ATR: variants seen among roughly 807,000 people sequenced by gnomAD.
ATR encodes the protein serine/threonine-protein kinase ATR.
ATR carries 142 observed loss-of-function variants against 305.3 expected under a neutral mutation model. The observed-to-expected ratio is 0.47, with a 90% confidence interval of 0.41 to 0.53. The LOEUF (loss-of-function observed/expected upper bound fraction) is 0.53, where lower values mean the gene tolerates loss of function less well. Ranked by LOEUF, ATR falls within the 20% of genes least tolerant of loss-of-function variation. ATR has a pLI of 0.00. For missense variants in ATR, 2,135 were observed against 3,133.1 expected, an observed-to-expected ratio of 0.68 and a Z score of 7.60; for synonymous variants, 1,050 against 1,068.1, an observed-to-expected ratio of 0.98 and a Z score of 0.33.
chr3:142,528,854 CATATATATAT>C (rs1191100552), intron 21 of ATR, among the ~76,000 whole-genome samples: 2 of 65,724 alleles, frequency 3.0e-5, no homozygotes, highest in South Asian at 4.8e-4. Flanking sequence ...CTGGAATTAT[CATATATATAT>C]ATATATATAT....
chr3:142,573,615 G>A (rs80237517), intron 1 of ATR, among the ~76,000 whole-genome samples: 3 of 151,182 alleles, frequency 2.0e-5, no homozygotes, highest in South Asian at 4.2e-4. Context: ...GAAATATAAC[G>A]TAAGCCATAA....
chr3:142,451,224 T>C, intron 46 of ATR: 10 of 1,190,174 alleles, frequency 8.4e-6, no homozygotes, highest in African/African-American at 1.6e-5. Context: ...ATGCTGCACA[T>C]CCAGATGCAG....
In ATR at chr3:142,512,220, T is replaced by TA. The variant is rs74269486; in HGVS notation, c.4852+39dup. The TA allele has an allele frequency of 0.25, 307,439 of 1,233,720 alleles. 12,993 individuals carry two copies. Among genetic ancestry groups the TA allele is most frequent in the African/African-American group, 0.44 (25,466 of 58,524 alleles). 76.4% of individuals were successfully genotyped at this position (1,233,720 alleles called of 1,614,324 possible). On this transcript the variant is annotated intron_variant, in intron 27 of 46. Coordinates refer to ENST00000350721, the MANE Select transcript of ATR (RefSeq NM_001184.4). ...AGGGAAGAGCTAATTGGTGAATAGC[T>TA]AAAAAAAAAAAAAAAAAAGAAACAG...
At chr3:142,546,219 C>T (rs981267509) in intron 16 of ATR, among the ~76,000 whole-genome samples, 3 of 152,176 alleles carry the variant, frequency 2.0e-5, no homozygotes, top group African/African-American at 7.2e-5. Context: ...TGGCTATGTT[C>T]CTCTACAATG....
chr3:142,555,732 T>C lies in ATR; in HGVS notation c.2341+145A>G, dbSNP rs2034646027. On this transcript the variant is annotated intron_variant, in intron 10 of 46. Transcript: ENST00000350721. ...ATGCGATCTAATACCAGTTATCCCATTTATAACTAATCAATACTGAGCACT... is the reference window on the plus strand; with the variant it reads ...ATGCGATCTAATACCAGTTATCCCACTTATAACTAATCAATACTGAGCACT... The C allele has an allele frequency of 3.8e-6, 4 of 1,041,130 alleles. No homozygotes were observed. In the South Asian group the frequency reaches 7.0e-5, roughly 18 times the overall value. The allele number at this position is 1,041,130 out of a possible 1,614,324, so 64.5% of individuals were successfully genotyped here.
intron 1 of ATR, among the ~76,000 whole-genome samples, chr3:142,572,221 C>T (rs919176673): frequency 3.3e-5 from 5 of 151,908 alleles, no homozygotes; most frequent in Admixed American, 1.3e-4. Flanking sequence ...AGGCACGTGC[C>T]ACCACGCCCG....
At chr3:142,546,488 C>T (rs2034273135) in intron 16 of ATR, among the ~76,000 whole-genome samples, 1 of 152,038 alleles carries the variant, frequency 6.6e-6, no homozygotes, top group African/African-American at 2.4e-5. Flanking sequence ...CAGAGGCAGT[C>T]TGGACTGAAA....
At chr3:142,523,053 T>G (rs1052354308) in intron 22 of ATR, among the ~76,000 whole-genome samples, 3 of 152,206 alleles carry the variant, frequency 2.0e-5, no homozygotes, top group African/African-American at 7.2e-5. Context: ...TTAGGCTATT[T>G]CTAAGGTGTA....
At chr3:142,538,337 T>C in intron 19 of ATR, 145 bp downstream of exon 19, 1 of 835,264 alleles carries the variant, frequency 1.2e-6, no homozygotes, top group Admixed American at 2.8e-5. Context: ...CATTTCAATA[T>C]GTAATTACAT....
At chr3:142,453,004 T>A in intron 46 of ATR, 124 bp downstream of exon 46, 1 of 1,540,624 alleles carries the variant, frequency 6.5e-7, no homozygotes, top group East Asian at 2.4e-5. Flanking sequence ...TTCAGAGTAA[T>A]CAATAGTCAC....
chr3:142,528,879 A>ATATATATT (rs1215767510), intron 21 of ATR, among the ~76,000 whole-genome samples: 21 of 30,486 alleles, frequency 6.9e-4, no homozygotes, highest in African/African-American at 1.2e-3. Flanking sequence ...ATATATATAT[A>ATATATATT]TTTTTTTTTT....
At chr3:142,559,717 A>AT (rs767393754) in intron 6 of ATR, among the ~76,000 whole-genome samples, 7 of 152,274 alleles carry the variant, frequency 4.6e-5, no homozygotes, top group Non-Finnish European at 1.0e-4. Flanking sequence ...CAGCCGGGCC[A>AT]ATATAGGGAA....
intron 46 of ATR, chr3:142,450,080 C>A: frequency 3.2e-6 from 1 of 309,896 alleles, no homozygotes. Context: ...GAATAATTCT[C>A]AGAGGTGGTG....
chr3:142,454,506 TCTCGG>T (rs1486020389), intron 45 of ATR, among the ~76,000 whole-genome samples: 2 of 136,354 alleles, frequency 1.5e-5, no homozygotes, highest in Non-Finnish European at 3.1e-5. Flanking sequence ...AGTGGCGCAA[TCTCGG>T]CTCACTGCAG....
intron 16 of ATR, among the ~76,000 whole-genome samples, chr3:142,546,486 G>A (rs1349514254): frequency 6.6e-6 from 1 of 152,132 alleles, no homozygotes; most frequent in Non-Finnish European, 1.5e-5. Flanking sequence ...CTCAGAGGCA[G>A]TCTGGACTGA....
Position 142,531,591 on chromosome 3 carries a change from T to A in ATR, c.3945+3489A>T, listed in dbSNP as rs554728106. ...CCCTACAAAGGACATGAACTCATCC[T>A]TTTTTATGGCTGCATAGTATTCCAT... On this transcript the variant is annotated intron_variant, in intron 21 of 46. Transcript: ENST00000350721. Among the ~76,000 whole-genome samples, 149 of 152,310 alleles carry A rather than the reference T, an allele frequency of 9.8e-4. 3 individuals are homozygous for A. The East Asian group carries it at 0.023, about 23-fold the overall frequency.
intron 21 of ATR, among the ~76,000 whole-genome samples, chr3:142,526,546 T>A (rs971381562): frequency 6.6e-6 from 1 of 151,918 alleles, no homozygotes; most frequent in Non-Finnish European, 1.5e-5. Context: ...TATATAAACA[T>A]GCATACATAT....
rs764936051 is a variant in ATR at position 142,558,581 on chromosome 3, GATAA to G, written c.1885+39_1885+42del. The G allele has an allele frequency of 8.6e-3, 13,007 of 1,507,038 alleles. 334 individuals carry two copies. The highest frequency in any genetic ancestry group is 0.035 in the African/African-American group (2,566 of 72,474). 93.4% of individuals were successfully genotyped at this position (1,507,038 alleles called of 1,614,324 possible). ...AAATAGATAGATAGATAGATAGATA[GATAA>G]ATAAAACAAACCACACACACATTCT... On this transcript the variant is annotated intron_variant, in intron 8 of 46. Transcript: ENST00000350721.
At chr3:142,492,391 T>C (rs751796393) in intron 35 of ATR, among the ~76,000 whole-genome samples, 3 of 152,214 alleles carry the variant, frequency 2.0e-5, no homozygotes, top group Non-Finnish European at 4.4e-5. Flanking sequence ...CTTGGCCTCA[T>C]AGAATTCTGA....
Sources: allele counts gnomAD v4.1 joint callset (sites outside exome capture counted in the v4.1 genomes callset), GRCh38; gene constraint gnomAD v4.1.1; transcripts MANE v1.5; gene names NCBI Gene and HGNC (gene_info 2026-07-23, HGNC 2026-07-21).